The following SV2C variants were observed in gnomAD, a reference collection of about 807,000 sequenced individuals.
SV2C encodes solute carrier family 22 member B3.
A neutral mutation model predicts 79.7 loss-of-function variants in SV2C; 49 were observed. That is an observed-to-expected ratio of 0.61 (90% confidence interval 0.49 to 0.78). The LOEUF (loss-of-function observed/expected upper bound fraction) is 0.78. SV2C is among the 30% of genes least tolerant of loss of function. SV2C has a pLI of 0.00. For synonymous variants in SV2C, 334 were observed against 333.2 expected, an observed-to-expected ratio of 1.00 and a Z score of -0.03; for missense variants, 833 against 912.9, an observed-to-expected ratio of 0.91 and a Z score of 1.13.
the SV2C span, among the ~76,000 whole-genome samples, chr5:76,058,372 A>T: frequency 6.6e-6 from 1 of 152,100 alleles, no homozygotes; most frequent in Admixed American, 6.6e-5. Flanking sequence ...AACTTGTTGC[A>T]ACACTTCGGT....
chr5:75,928,530 G>A, the SV2C span, among the ~76,000 whole-genome samples: 1 of 152,156 alleles, frequency 6.6e-6, no homozygotes, highest in Non-Finnish European at 1.5e-5. Context: ...CCCTGCAATT[G>A]TAATCAGAAT....
intron 1 of SV2C, among the ~76,000 whole-genome samples, chr5:76,098,279 C>T (rs1249923195): frequency 2.6e-5 from 4 of 152,300 alleles, no homozygotes; most frequent in Non-Finnish European, 5.9e-5. Flanking sequence ...CCTGAAGAGA[C>T]TCTTACAAAA....
the SV2C span, among the ~76,000 whole-genome samples, chr5:76,008,430 C>G: frequency 6.6e-6 from 1 of 152,172 alleles, no homozygotes; most frequent in African/African-American, 2.4e-5. Flanking sequence ...GAAGGGTACA[C>G]AGTTAACTGT....
At chr5:75,898,908 G>A in the SV2C span, among the ~76,000 whole-genome samples, 1 of 152,108 alleles carries the variant, frequency 6.6e-6, no homozygotes, top group Non-Finnish European at 1.5e-5. Context: ...TGGGATTGGT[G>A]GAGATATCCC....
At chr5:75,910,661 AAGAAGAAAGACGAG>A in the SV2C span, 6,658 of 1,103,762 alleles carry the variant, frequency 6.0e-3, 272 homozygotes, top group African/African-American at 0.09. Context: ...GCAGAATGCC[AAGAAGAAAGACGAG>A]GCCAAGACTG....
At chr5:75,874,681 C>G in the SV2C span, among the ~76,000 whole-genome samples, 1 of 152,070 alleles carries the variant, frequency 6.6e-6, no homozygotes, top group Non-Finnish European at 1.5e-5. Context: ...CAAAAAAGCT[C>G]CTCCAGCTGA....
the SV2C span, among the ~76,000 whole-genome samples, chr5:75,933,311 C>T: frequency 2.6e-5 from 4 of 152,274 alleles, no homozygotes; most frequent in African/African-American, 7.2e-5. Flanking sequence ...TGCTTACTCA[C>T]ATGTTTAAGT....
At chr5:75,977,445 T>C in the SV2C span, among the ~76,000 whole-genome samples, 4 of 152,252 alleles carry the variant, frequency 2.6e-5, no homozygotes, top group Non-Finnish European at 5.9e-5. Flanking sequence ...CCACTTCCTC[T>C]GCTCAGTTCA....
the SV2C span, among the ~76,000 whole-genome samples, chr5:75,978,843 C>T: frequency 6.6e-6 from 1 of 151,972 alleles, no homozygotes; most frequent in Non-Finnish European, 1.5e-5. Context: ...ACCTGTAATT[C>T]CACCACTTTG....
chr5:75,870,960 G>A, the SV2C span, among the ~76,000 whole-genome samples: 17 of 152,194 alleles, frequency 1.1e-4, no homozygotes, highest in Non-Finnish European at 2.2e-4. Flanking sequence ...AGAAATGACA[G>A]AGTAACTTCA....
intron 4 of SV2C, among the ~76,000 whole-genome samples, chr5:76,214,747 T>A (rs1036203376): frequency 6.6e-6 from 1 of 152,222 alleles, no homozygotes; most frequent in African/African-American, 2.4e-5. Context: ...ACCTTCTGTG[T>A]TAAATTTATT....
At chr5:76,285,126 G>C in intron 4 of SV2C, 36 bp from the exon 5 acceptor site, 1 of 1,610,242 alleles carries the variant, frequency 6.2e-7, no homozygotes, top group Non-Finnish European at 8.5e-7. Context: ...TGTCTGGGAG[G>C]AGCTCTCCCT....
At chr5:75,964,571 A>G in the SV2C span, among the ~76,000 whole-genome samples, 1 of 152,072 alleles carries the variant, frequency 6.6e-6, no homozygotes, top group Non-Finnish European at 1.5e-5. Flanking sequence ...TTAGACTCTT[A>G]GTCTTTTTAT....
At chr5:76,001,390 G>C in the SV2C span, among the ~76,000 whole-genome samples, 3 of 152,148 alleles carry the variant, frequency 2.0e-5, no homozygotes, top group Non-Finnish European at 2.9e-5. Flanking sequence ...CATGAGGTCA[G>C]GAGATTGAGA....
chr5:76,030,458 T>G, the SV2C span, among the ~76,000 whole-genome samples: 1 of 151,970 alleles, frequency 6.6e-6, no homozygotes, highest in African/African-American at 2.4e-5. Context: ...GATCAAGGAT[T>G]CACAGAGTTA....
At chr5:75,921,711 G>T in the SV2C span, 1 of 490,558 alleles carries the variant, frequency 2.0e-6, no homozygotes, top group Non-Finnish European at 3.8e-6. Flanking sequence ...AAAGAACAGA[G>T]GGTATAAAAT....
chr5:76,309,024 G>C (rs1487697080), intron 12 of SV2C, among the ~76,000 whole-genome samples: 1 of 151,796 alleles, frequency 6.6e-6, no homozygotes, highest in African/African-American at 2.4e-5. Flanking sequence ...GCATCAGAGA[G>C]GTTTTCTTGA....
At chr5:76,346,622 T>A (rs246805) in intron 12 of SV2C, among the ~76,000 whole-genome samples, 80,283 of 152,144 alleles carry the variant, frequency 0.53, 23,501 homozygotes, top group African/African-American at 0.79. Context: ...CTTTGATCTC[T>A]TAGGAAAGAG....
At chr5:75,886,748 C>T in the SV2C span, among the ~76,000 whole-genome samples, 7 of 151,948 alleles carry the variant, frequency 4.6e-5, no homozygotes, top group South Asian at 2.1e-4. Context: ...ACTTGGTGGT[C>T]GAGGGGCGGT....
Sources: gnomAD v4.1 joint callset for allele counts (sites outside exome capture counted in the v4.1 genomes callset) on GRCh38, gnomAD v4.1.1 for gene constraint, MANE v1.5 for transcripts, NCBI Gene and HGNC (gene_info 2026-07-23, HGNC 2026-07-21) for gene names.